Variants in ATP8A2 observed in about 807,000 individuals in gnomAD.
ATP8A2 encodes ATPase phospholipid transporting 8A2.
In ATP8A2, 100 loss-of-function variants were observed where a neutral mutation model predicts 165.6. The observed-to-expected ratio is 0.60, with a 90% CI of 0.51 to 0.71. The LOEUF is 0.71. Ranked by LOEUF, ATP8A2 falls within the 30% of genes least tolerant of loss-of-function variation. The pLI is 0.00. For synonymous variants in ATP8A2, 543 were observed against 548.8 expected (o/e 0.99, Z 0.15); for missense variants, 1,227 against 1,479.5 (o/e 0.83, Z 2.80).
chr13:25,715,238 C>G (rs926949225), intron 25 of ATP8A2, among the ~76,000 whole-genome samples: 1 of 152,140 alleles, frequency 6.6e-6, no homozygotes, highest in Non-Finnish European at 1.5e-5. Flanking sequence ...CTGCAAGTCT[C>G]ATTGGAACTT....
chr13:25,994,253 T>C (rs1247974088), intron 35 of ATP8A2, among the ~76,000 whole-genome samples: 1 of 152,064 alleles, frequency 6.6e-6, no homozygotes, highest in Non-Finnish European at 1.5e-5. Flanking sequence ...AATATATATA[T>C]ATACATATTT....
intron 24 of ATP8A2, among the ~76,000 whole-genome samples, chr13:25,601,506 G>A (rs1037479802): frequency 1.3e-5 from 2 of 152,122 alleles, no homozygotes; most frequent in Admixed American, 6.6e-5. Context: ...ACGGAGTCTC[G>A]TTCTGTCACC....
chr13:25,883,355 G>T (rs935786371), intron 33 of ATP8A2, among the ~76,000 whole-genome samples: 5 of 152,114 alleles, frequency 3.3e-5, no homozygotes, highest in Non-Finnish European at 7.3e-5. Context: ...GGAGGCGGAG[G>T]TTGCACTGAA....
At chr13:25,423,927 G>C (rs778586957) in intron 1 of ATP8A2, among the ~76,000 whole-genome samples, 1 of 152,188 alleles carries the variant, frequency 6.6e-6, no homozygotes, top group African/African-American at 2.4e-5. Context: ...TGTGTCCACT[G>C]ACAGCGTGGG....
At chr13:25,948,374 G>T (rs2139133704) in intron 33 of ATP8A2, among the ~76,000 whole-genome samples, 1 of 152,126 alleles carries the variant, frequency 6.6e-6, no homozygotes, top group East Asian at 1.9e-4. Flanking sequence ...CATGTGCCAA[G>T]CACCTTTTAT....
At chr13:25,568,412 A>G (rs2039377388) in intron 16 of ATP8A2, among the ~76,000 whole-genome samples, 1 of 152,194 alleles carries the variant, frequency 6.6e-6, no homozygotes, top group African/African-American at 2.4e-5. Context: ...ACAATTTTAA[A>G]CATGTATCAT....
intron 2 of ATP8A2, among the ~76,000 whole-genome samples, chr13:25,488,111 CT>C (rs2036409673): frequency 1.3e-5 from 2 of 152,170 alleles, no homozygotes; most frequent in Admixed American, 1.3e-4. Context: ...ATATCCCTTC[CT>C]GTTTGACAGG....
At chr13:25,855,288 C>G (rs1053388084) in intron 30 of ATP8A2, among the ~76,000 whole-genome samples, 2 of 151,946 alleles carry the variant, frequency 1.3e-5, no homozygotes, top group South Asian at 2.1e-4. Context: ...CCATTTCTCC[C>G]AAGCACCTCC....
At chr13:25,925,914 C>T (rs1394747455) in intron 33 of ATP8A2, among the ~76,000 whole-genome samples, 3 of 151,978 alleles carry the variant, frequency 2.0e-5, no homozygotes, top group South Asian at 2.1e-4. Flanking sequence ...TTAGTAGAGA[C>T]GAGGTTTCTC....
intron 2 of ATP8A2, among the ~76,000 whole-genome samples, chr13:25,479,287 T>C (rs925984439): frequency 6.6e-6 from 1 of 152,236 alleles, no homozygotes; most frequent in Non-Finnish European, 1.5e-5. Flanking sequence ...AAGTACATAT[T>C]GTTCACAGTC....
In ATP8A2 at chr13:25,728,699, G is replaced by A. The variant is rs563294265; in HGVS notation, c.2384+29354G>A. 4.9e-3 allele frequency among the ~76,000 whole-genome samples: 740 copies of A among 151,640 alleles called. 9 individuals carry two copies. Among genetic ancestry groups the A allele is most frequent in the South Asian group, 8.4e-3 (40 of 4,790 alleles). On this transcript the variant is annotated intron_variant, in intron 25 of 36. Coordinates refer to ENST00000381655, the MANE Select transcript of ATP8A2 (RefSeq NM_016529.6). ...CAGGTTTTGAGAAGGGGGGAGCACC[G>A]TGTCCCAGGTCACAGGGCTGTCTGT... is the stretch of plus-strand genomic sequence containing the variant.
intron 35 of ATP8A2, among the ~76,000 whole-genome samples, chr13:25,993,248 C>G (rs1248040682): frequency 6.6e-6 from 1 of 152,084 alleles, no homozygotes; most frequent in African/African-American, 2.4e-5. Flanking sequence ...GTTCTAGATC[C>G]CTGAGGAATC....
chr13:25,428,996 A>G (rs866247814), intron 1 of ATP8A2, among the ~76,000 whole-genome samples: 7 of 152,118 alleles, frequency 4.6e-5, no homozygotes, highest in African/African-American at 1.4e-4. Flanking sequence ...GGCCATGGAA[A>G]GGGAGGCTGA....
At chr13:25,955,182 C>G (rs1406744871) in intron 33 of ATP8A2, among the ~76,000 whole-genome samples, 1 of 152,020 alleles carries the variant, frequency 6.6e-6, no homozygotes, top group Non-Finnish European at 1.5e-5. Context: ...AATTGACACC[C>G]AAACATCACA....
At chr13:25,888,050 AGAAAG>A (rs1312341552) in intron 33 of ATP8A2, among the ~76,000 whole-genome samples, 1 of 151,030 alleles carries the variant, frequency 6.6e-6, no homozygotes, top group Non-Finnish European at 1.5e-5. Flanking sequence ...GCAAGGAGGC[AGAAAG>A]GAAAGAACCC....
At chr13:25,477,166 T>A (rs1270274240) in intron 2 of ATP8A2, among the ~76,000 whole-genome samples, 3 of 152,236 alleles carry the variant, frequency 2.0e-5, no homozygotes, top group Non-Finnish European at 4.4e-5. Flanking sequence ...TGTGGGTGGA[T>A]AATGGAGCCC....
At chr13:25,584,671 G>C (rs2039871287) in intron 23 of ATP8A2, among the ~76,000 whole-genome samples, 1 of 152,174 alleles carries the variant, frequency 6.6e-6, no homozygotes, top group Non-Finnish European at 1.5e-5. Context: ...ACTGGTACTA[G>C]GTCTCAGGGC....
chr13:25,997,054 A>G (rs988454108), intron 35 of ATP8A2, among the ~76,000 whole-genome samples: 1 of 151,926 alleles, frequency 6.6e-6, no homozygotes, highest in Non-Finnish European at 1.5e-5. Flanking sequence ...CCTGACCTCA[A>G]GTGATCCTCC....
At chr13:25,939,778 C>G (rs539090103) in intron 33 of ATP8A2, among the ~76,000 whole-genome samples, 5 of 152,344 alleles carry the variant, frequency 3.3e-5, no homozygotes, top group South Asian at 4.1e-4. Flanking sequence ...GCCACCATCC[C>G]CACTGAAACT....
Sources: gnomAD v4.1 joint callset for allele counts (sites outside exome capture counted in the v4.1 genomes callset) on GRCh38, gnomAD v4.1.1 for gene constraint, MANE v1.5 for transcripts, NCBI Gene and HGNC (gene_info 2026-07-23, HGNC 2026-07-21) for gene names.